Variants in DNAAF4 observed in about 807,000 individuals in gnomAD.
DNAAF4 encodes the protein dynein assembly factor 4, axonemal.
Under a neutral mutation model 51.8 loss-of-function variants are expected in DNAAF4, and 43 were observed. That is an observed-to-expected ratio of 0.83 (90% confidence interval 0.65 to 1.07). The LOEUF is 1.07. Among genes scored for constraint, DNAAF4 ranks in the 50% least tolerant of loss-of-function variants. The pLI is 0.00. For synonymous variants in DNAAF4, 194 were observed against 165.6 expected (o/e 1.17, Z -1.32); for missense variants, 581 against 493.0 (o/e 1.18, Z -1.69).
intron 5 of DNAAF4, among the ~76,000 whole-genome samples, chr15:55,461,809 TGAAAGAAAAAAATAC>T (rs2058098305): frequency 6.6e-6 from 1 of 151,304 alleles, no homozygotes; most frequent in Admixed American, 6.6e-5. Context: ...TAAATGAAAC[TGAAAGAAAAAAATAC>T]AAAAGAAAAA....
At chr15:55,463,690 G>C (rs1485979670) in intron 5 of DNAAF4, among the ~76,000 whole-genome samples, 1 of 151,930 alleles carries the variant, frequency 6.6e-6, no homozygotes, top group Non-Finnish European at 1.5e-5. Flanking sequence ...TTTTACAACA[G>C]CTGCAAAAAA....
rs1162485238 is a variant in DNAAF4 at position 55,469,474 on chromosome 15, C to CTTTTTT, written c.406-2319_406-2314dup. Among the ~76,000 whole-genome samples the CTTTTTT allele has an allele frequency of 5.8e-3, 384 of 66,268 alleles. 132 individuals are homozygous for CTTTTTT. The highest frequency in any genetic ancestry group is 0.02 in the African/African-American group (310 of 15,680). 43.5% of individuals were successfully genotyped at this position (66,268 alleles called of 152,430 possible). A position where few individuals can be genotyped will look rare whatever the true frequency, so the allele number is the denominator to read the frequency against. On this transcript the variant is annotated intron_variant, in intron 4 of 9. Transcript: ENST00000321149. ...TGGGTTTCTCCTATGCTTACCAATT[C>CTTTTTT]TTTTTTTTTTTTTTTTTTTTTTTTT... is the stretch of plus-strand genomic sequence containing the variant.
chr15:55,453,548 C>CT (rs1228330492), intron 5 of DNAAF4, among the ~76,000 whole-genome samples: 21,532 of 115,662 alleles, frequency 0.19, 2,910 homozygotes, highest in African/African-American at 0.33. Flanking sequence ...AAAAACAGTT[C>CT]TTTTTTTTTT....
Position 55,491,742 on chromosome 15 carries a change from A to C in DNAAF4, c.272-486T>G, listed in dbSNP as rs952120136. On this transcript the variant is annotated intron_variant, in intron 3 of 9. Coordinates refer to ENST00000321149, the MANE Select transcript of DNAAF4 (RefSeq NM_130810.4). ...ATAATAGTATATAATATAATATATA[A>C]TATTATATTATAATAGTATATAATA... Among the ~76,000 whole-genome samples, 4 of 134,524 alleles carry C rather than the reference A, an allele frequency of 3.0e-5. No homozygotes were observed. The South Asian group carries it at 6.4e-4, about 21-fold the overall frequency. The allele number at this position is 134,524 out of a possible 152,430, so 88.3% of individuals were successfully genotyped here.
At chr15:55,503,673 C>T (rs2058711456) in intron 1 of DNAAF4, among the ~76,000 whole-genome samples, 1 of 152,120 alleles carries the variant, frequency 6.6e-6, no homozygotes, top group Non-Finnish European at 1.5e-5. Flanking sequence ...AAGACAAAAA[C>T]CACATGATCA....
In DNAAF4 at chr15:55,442,721, T is replaced by C; in HGVS notation, c.784-3140A>G. 5.9e-6 allele frequency: 9 copies of C among 1,532,778 alleles called. No individual in the cohort carries two copies. In the South Asian group the frequency reaches 1.0e-4, roughly 17 times the overall value. The allele number at this position is 1,532,778 out of a possible 1,614,324, so 94.9% of individuals were successfully genotyped here. Reference sequence around the variant, plus strand: ...TTCTCATCAACACTCTGAACATTACTGGAAACAAAAAATTTCTTTCCTTCA... The same window carrying C: ...TTCTCATCAACACTCTGAACATTACCGGAAACAAAAAATTTCTTTCCTTCA... On this transcript the variant is annotated intron_variant, in intron 6 of 9. Coordinates refer to ENST00000321149, the MANE Select transcript of DNAAF4 (RefSeq NM_130810.4).
At chr15:55,483,449 C>T (rs1351054852) in intron 4 of DNAAF4, among the ~76,000 whole-genome samples, 1 of 151,998 alleles carries the variant, frequency 6.6e-6, no homozygotes, top group Non-Finnish European at 1.5e-5. Flanking sequence ...GTGGTGATGG[C>T]TGAATAACTT....
At chr15:55,505,773 G>T (rs905445282) in intron 1 of DNAAF4, among the ~76,000 whole-genome samples, 2 of 152,222 alleles carry the variant, frequency 1.3e-5, no homozygotes, top group Admixed American at 1.3e-4. Context: ...TTGAGAGGTG[G>T]GGGGGCTGGG....
At chr15:55,424,856 C>G (rs564161542) in intron 7 of DNAAF4, among the ~76,000 whole-genome samples, 2 of 151,452 alleles carry the variant, frequency 1.3e-5, no homozygotes, top group African/African-American at 4.8e-5. Flanking sequence ...ACCCCGTGCC[C>G]GGCTGTACCT....
intron 3 of DNAAF4, among the ~76,000 whole-genome samples, chr15:55,494,321 G>A (rs749389331): frequency 5.9e-5 from 9 of 152,082 alleles, no homozygotes; most frequent in African/African-American, 1.7e-4. Context: ...GAGCCAGCGC[G>A]CCCGGCAAAC....
At chr15:55,442,078 G>A (rs1003499182) in intron 6 of DNAAF4, among the ~76,000 whole-genome samples, 16 of 152,200 alleles carry the variant, frequency 1.1e-4, no homozygotes, top group East Asian at 1.9e-4. Context: ...TCTCCAGTCC[G>A]CAGTGGAGCA....
chr15:55,485,165 G>C (rs2058469649), intron 4 of DNAAF4, among the ~76,000 whole-genome samples: 1 of 152,082 alleles, frequency 6.6e-6, no homozygotes, highest in Admixed American at 6.6e-5. Context: ...GATACCAAAA[G>C]TACAGAGCTC....
At chr15:55,470,950 C>T (rs1200221575) in intron 4 of DNAAF4, among the ~76,000 whole-genome samples, 2 of 148,540 alleles carry the variant, frequency 1.3e-5, no homozygotes, top group Non-Finnish European at 3.0e-5. Context: ...ACTTCCTAGG[C>T]TCATGTGATC....
chr15:55,469,512 T>C (rs1052327089), intron 4 of DNAAF4, among the ~76,000 whole-genome samples: 2 of 103,272 alleles, frequency 1.9e-5, no homozygotes, highest in African/African-American at 7.5e-5. Context: ...AGACGGAGTC[T>C]CACTCTGTCG....
At chr15:55,418,946 T>C (rs2057363638) in intron 7 of DNAAF4, among the ~76,000 whole-genome samples, 4 of 131,660 alleles carry the variant, frequency 3.0e-5, no homozygotes, top group African/African-American at 5.9e-5. Context: ...TTTGAGTGAG[T>C]TGGAGTCTCG....
downstream of DNAAF4, among the ~76,000 whole-genome samples, chr15:55,427,514 G>A (rs2057442610): frequency 1.3e-5 from 2 of 152,170 alleles, no homozygotes; most frequent in Admixed American, 1.3e-4. Context: ...GATTAGATGA[G>A]TCAGTTTATT....
chr15:55,475,675 C>G (rs1043126804), intron 4 of DNAAF4, among the ~76,000 whole-genome samples: 1 of 152,142 alleles, frequency 6.6e-6, no homozygotes, highest in African/African-American at 2.4e-5. Flanking sequence ...GATTTTGGAG[C>G]ATTTCAGATT....
intron 1 of DNAAF4, 43 bp downstream of exon 1, chr15:55,508,079 C>A (rs1270254822): frequency 6.6e-6 from 1 of 152,048 alleles, no homozygotes; most frequent in Non-Finnish European, 1.5e-5. Flanking sequence ...TTGAGAACCA[C>A]TAGATTAAGG....
intron 6 of DNAAF4, among the ~76,000 whole-genome samples, chr15:55,440,456 G>C (rs537297198): frequency 1.3e-5 from 2 of 152,066 alleles, no homozygotes; most frequent in East Asian, 3.9e-4. Context: ...TCGGCTCACT[G>C]CAAGCTCTGC....
Sources: allele counts gnomAD v4.1 joint callset (sites outside exome capture counted in the v4.1 genomes callset), GRCh38; gene constraint gnomAD v4.1.1; transcripts MANE v1.5; gene names NCBI Gene and HGNC (gene_info 2026-07-23, HGNC 2026-07-21).